The following SASH1 variants were observed in gnomAD, a reference collection of about 807,000 sequenced individuals.
SASH1 encodes SAM and SH3 domain-containing protein 1.
In SASH1, 44 loss-of-function variants were observed where a neutral mutation model predicts 125.2. The observed-to-expected ratio is 0.35, with a 90% CI of 0.28 to 0.45. The LOEUF (loss-of-function observed/expected upper bound fraction) is 0.45, where lower values mean the gene tolerates loss of function less well. Among genes scored for constraint, SASH1 ranks in the 20% least tolerant of loss-of-function variants. SASH1 has a pLI of 1.00. For missense variants in SASH1, 1,426 were observed against 1,614.5 expected (o/e 0.88, Z 2.00); for synonymous variants, 639 against 649.1 (o/e 0.98, Z 0.24).
intron 1 of SASH1, among the ~76,000 whole-genome samples, chr6:148,388,306 G>A (rs1190287118): frequency 6.6e-6 from 1 of 152,188 alleles, no homozygotes; most frequent in Non-Finnish European, 1.5e-5. Flanking sequence ...CAGAGGGGCA[G>A]CAACAGATTC....
At chr6:148,225,512 A>G in the SASH1 span, among the ~76,000 whole-genome samples, 1 of 152,124 alleles carries the variant, frequency 6.6e-6, no homozygotes, top group Non-Finnish European at 1.5e-5. Flanking sequence ...TATAAGTGGG[A>G]GCTAAGCTAT....
the SASH1 span, among the ~76,000 whole-genome samples, chr6:148,245,578 G>A: frequency 4.8e-3 from 730 of 152,292 alleles, 1 homozygote; most frequent in Non-Finnish European, 6.3e-3. Flanking sequence ...TGGCAGTGTA[G>A]CTCTTAATAA....
intron 11 of SASH1, among the ~76,000 whole-genome samples, chr6:148,526,702 T>A (rs576244047): frequency 1.3e-5 from 2 of 152,224 alleles, no homozygotes; most frequent in South Asian, 4.1e-4. Context: ...AGAGAGAAAT[T>A]TACACACTGA....
intron 16 of SASH1, among the ~76,000 whole-genome samples, chr6:148,535,358 C>T: frequency 6.6e-6 from 1 of 152,272 alleles, no homozygotes; most frequent in Admixed American, 6.5e-5. Flanking sequence ...GGTGCAGCCT[C>T]CAGCAGGCCA....
At chr6:148,244,677 C>G in the SASH1 span, among the ~76,000 whole-genome samples, 24 of 152,128 alleles carry the variant, frequency 1.6e-4, no homozygotes, top group African/African-American at 5.6e-4. Context: ...GTTGTTGCTG[C>G]TGTTGTTTCT....
chr6:148,320,203 G>A (rs1407404022), intron 1 of SASH1, among the ~76,000 whole-genome samples: 2 of 152,210 alleles, frequency 1.3e-5, no homozygotes, highest in Non-Finnish European at 2.9e-5. Context: ...TTCACTGGGG[G>A]TTGGGGAATC....
intron 4 of SASH1, among the ~76,000 whole-genome samples, chr6:148,440,869 A>G (rs1776514834): frequency 6.6e-6 from 1 of 152,190 alleles, no homozygotes; most frequent in African/African-American, 2.4e-5. Flanking sequence ...TGTGTGTGTT[A>G]AAAAATGGCA....
the SASH1 span, among the ~76,000 whole-genome samples, chr6:148,227,955 TA>T: frequency 6.6e-6 from 1 of 151,914 alleles, no homozygotes; most frequent in Non-Finnish European, 1.5e-5. Context: ...AGCACCACAA[TA>T]ACATAAAAAA....
At chr6:148,506,127 G>T (rs996848512) in intron 8 of SASH1, among the ~76,000 whole-genome samples, 4 of 151,632 alleles carry the variant, frequency 2.6e-5, no homozygotes, top group Non-Finnish European at 5.9e-5. Flanking sequence ...AGAACAGTTT[G>T]TGAAAATTAG....
chr6:148,293,541 T>TTC (rs1247124554), intron 1 of SASH1, among the ~76,000 whole-genome samples: 1 of 152,186 alleles, frequency 6.6e-6, no homozygotes, highest in Non-Finnish European at 1.5e-5. Context: ...TCCACCTGCC[T>TTC]TCTTGACAGC....
intron 8 of SASH1, among the ~76,000 whole-genome samples, chr6:148,499,066 T>TG (rs975686128): frequency 5.3e-5 from 8 of 149,654 alleles, no homozygotes; most frequent in African/African-American, 9.8e-5. Context: ...TGTTTTTTTT[T>TG]TTTTTTTTGG....
intron 8 of SASH1, among the ~76,000 whole-genome samples, chr6:148,498,538 A>T (rs1034695266): frequency 6.6e-6 from 1 of 152,206 alleles, no homozygotes; most frequent in African/African-American, 2.4e-5. Context: ...TTACGGATAC[A>T]ATTTGGTCTG....
chr6:148,322,912 T>TCTTTCTTTCTC (rs1554234526), intron 1 of SASH1, among the ~76,000 whole-genome samples: 1 of 118,440 alleles, frequency 8.4e-6, no homozygotes. Context: ...CTCTCTTTCT[T>TCTTTCTTTCTC]TCTTTTTTCT....
At chr6:148,538,350 C>T (rs570453727) in intron 16 of SASH1, among the ~76,000 whole-genome samples, 3 of 152,074 alleles carry the variant, frequency 2.0e-5, no homozygotes, top group African/African-American at 7.2e-5. Context: ...CAGAGTACAC[C>T]GACTCCTCTC....
chr6:148,394,780 G>C (rs1042210646), intron 2 of SASH1, among the ~76,000 whole-genome samples: 10 of 152,116 alleles, frequency 6.6e-5, no homozygotes, highest in African/African-American at 2.2e-4. Flanking sequence ...GAGTAGCTAG[G>C]ATTACAGGTG....
chr6:148,378,833 C>T (rs1161711372), intron 1 of SASH1, among the ~76,000 whole-genome samples: 2 of 152,192 alleles, frequency 1.3e-5, no homozygotes, highest in African/African-American at 4.8e-5. Flanking sequence ...GAGGCAGACA[C>T]CATGCTAATG....
chr6:148,353,516 C>A (rs1781816823), intron 1 of SASH1, among the ~76,000 whole-genome samples: 1 of 145,978 alleles, frequency 6.9e-6, no homozygotes, highest in Admixed American at 7.2e-5. Flanking sequence ...CTCACTGCAA[C>A]CTCTGCCTCC....
chr6:148,451,666 G>A (rs779341614), intron 4 of SASH1, among the ~76,000 whole-genome samples: 4 of 152,240 alleles, frequency 2.6e-5, no homozygotes, highest in Admixed American at 6.5e-5. Context: ...AACAACAGAC[G>A]ACATAATACC....
intron 1 of SASH1, among the ~76,000 whole-genome samples, chr6:148,335,499 C>A: frequency 6.7e-6 from 1 of 148,372 alleles, no homozygotes. Context: ...TTCAAATCAG[C>A]AGGGCTTATC....
Sources: allele counts gnomAD v4.1 joint callset (sites outside exome capture counted in the v4.1 genomes callset), GRCh38; gene constraint gnomAD v4.1.1; transcripts MANE v1.5; gene names NCBI Gene and HGNC (gene_info 2026-07-23, HGNC 2026-07-21).